The following CARM1 variants were observed in gnomAD, a reference collection of about 807,000 sequenced individuals.
The protein encoded by CARM1 is histone-arginine methyltransferase CARM1.
CARM1 carries 14 observed loss-of-function variants against 72.7 expected under a neutral mutation model. The observed-to-expected ratio is 0.19, with a 90% confidence interval of 0.13 to 0.30. CARM1 has a LOEUF of 0.30. Among genes scored for constraint, CARM1 ranks in the 10% least tolerant of loss-of-function variants. The pLI is 1.00. For missense variants in CARM1, 432 were observed against 833.7 expected (o/e 0.52, Z 5.93); for synonymous variants, 333 against 345.5 (o/e 0.96, Z 0.40).
intron 1 of CARM1, among the ~76,000 whole-genome samples, chr19:10,876,010 G>A (rs2073861863): frequency 6.6e-6 from 1 of 151,640 alleles, no homozygotes; most frequent in African/African-American, 2.4e-5. Flanking sequence ...GGGATTACAG[G>A]GATTAGAGGC....
intron 1 of CARM1, among the ~76,000 whole-genome samples, chr19:10,887,796 C>T (rs1269892714): frequency 6.6e-6 from 1 of 152,130 alleles, no homozygotes; most frequent in African/African-American, 2.4e-5. Context: ...GCCTCAGCCC[C>T]AGGGCAGCTT....
At chr19:10,881,140 C>T (rs776735042) in intron 1 of CARM1, among the ~76,000 whole-genome samples, 2 of 152,078 alleles carry the variant, frequency 1.3e-5, no homozygotes, top group South Asian at 2.1e-4. Flanking sequence ...CACTCCATCC[C>T]GGGAAACAGG....
chr19:10,897,963 C>T (rs142672440), intron 1 of CARM1, among the ~76,000 whole-genome samples: 2,681 of 152,026 alleles, frequency 0.018, 96 homozygotes, highest in African/African-American at 0.062. Context: ...AAAAATTAGC[C>T]GGGCGAGGTG....
chr19:10,919,574 C>T lies in CARM1; in HGVS notation c.1021-21C>T, dbSNP rs2074223837. On this transcript the variant is annotated intron_variant, in intron 8 of 15. Coordinates refer to ENST00000327064, the MANE Select transcript of CARM1 (RefSeq NM_199141.2). ...CTGGCCCTGGCGTCAGATGCCACGT[C>T]ACACCTGTGGTCTCTCCCAGGACAC... 15 of 1,588,698 alleles carry T rather than the reference C, an allele frequency of 9.4e-6. No individual in the cohort carries two copies. In the East Asian group the frequency reaches 3.4e-4, roughly 35 times the overall value.
chr19:10,916,026 T>C lies in CARM1; in HGVS notation c.848-381T>C, dbSNP rs1040144621. On this transcript the variant is annotated intron_variant, in intron 6 of 15. Coordinates refer to ENST00000327064, the MANE Select transcript of CARM1 (RefSeq NM_199141.2). The surrounding 1 kb of genome is among the most constrained non-coding windows in gnomAD (Gnocchi z 4.4). ...CTCCCTCTGTCCAGAGCAACTTTGC[T>C]ATGCTTTCCCGGCTGCACACATGCA... Among the ~76,000 whole-genome samples, 3 of 152,222 alleles carry C rather than the reference T, an allele frequency of 2.0e-5. No individual in the cohort carries two copies. The highest frequency in any genetic ancestry group is 6.5e-5 in the Admixed American group (1 of 15,288).
rs868672706 is a variant in CARM1, at chr19:10,922,017, G to C, written c.*260G>C. 1 of 371,590 alleles carries C rather than the reference G, an allele frequency of 2.7e-6. No homozygotes were observed. Among genetic ancestry groups the C allele is most frequent in the South Asian group, 3.7e-5 (1 of 27,358 alleles). 23.0% of individuals were successfully genotyped at this position (371,590 alleles called of 1,614,324 possible). A position where few individuals can be genotyped will look rare whatever the true frequency, so the allele number is the denominator to read the frequency against. ...GGAGCCCTCGTCCCCCCTCCTGCCC[G>C]CTCTACCCTGACCTGGGCTTGTCAT... On this transcript the variant is annotated 3_prime_UTR_variant, in exon 16 of 16. Coordinates refer to ENST00000327064, the MANE Select transcript of CARM1 (RefSeq NM_199141.2).
In CARM1 at chr19:10,921,409, G is replaced by A. The variant is rs2074247338; in HGVS notation, c.1650G>A (p.Arg550=). 6.2e-7 allele frequency: 1 copy of A among 1,610,142 alleles called. No individual in the cohort carries two copies. The highest frequency in any genetic ancestry group is 1.1e-5 in the South Asian group (1 of 90,634). The change falls in exon 15 of 16, where the codon CGG becomes CGA. Residue 550 remains arginine, a synonymous_variant. Coordinates refer to ENST00000327064, the MANE Select transcript of CARM1 (RefSeq NM_199141.2). ...NTGIVNHTHS[R]MGSIMSTGIV... ...GGATTGTCAATCACACCCACTCCCG[G>A]ATGGGCTCCATAATGAGCACGGGGA... is the stretch of plus-strand genomic sequence containing the variant.
intron 2 of CARM1, among the ~76,000 whole-genome samples, chr19:10,905,648 G>A (rs1454336693): frequency 1.3e-5 from 2 of 152,178 alleles, no homozygotes; most frequent in East Asian, 3.9e-4. Context: ...TGAGTCCAGT[G>A]GTTGACACAG....
chr19:10,874,892 C>T (rs1450236518), intron 1 of CARM1, among the ~76,000 whole-genome samples: 1 of 151,986 alleles, frequency 6.6e-6, no homozygotes, highest in Non-Finnish European at 1.5e-5. Flanking sequence ...TGTGGTGGTA[C>T]CTGCGACTGT....
chr19:10,911,382 C>G (rs1200651806), intron 4 of CARM1, among the ~76,000 whole-genome samples: 3 of 152,154 alleles, frequency 2.0e-5, no homozygotes. Context: ...AGTGTCTGCC[C>G]TGGCAGGGCC....
In CARM1 at chr19:10,915,091, A is replaced by G. The variant is rs926534832; in HGVS notation, c.847+1037A>G. On this transcript the variant is annotated intron_variant, in intron 6 of 15. Transcript: ENST00000327064. The surrounding 1 kb of genome is among the most constrained non-coding windows in gnomAD (Gnocchi z 4.6). Reference sequence around the variant, plus strand: ...CTTGTGCAGGCAGGGGCAGGGGGGAAGCTTCCACTCTCATCTCTGGCCCGC... The same window carrying G: ...CTTGTGCAGGCAGGGGCAGGGGGGAGGCTTCCACTCTCATCTCTGGCCCGC... Among the ~76,000 whole-genome samples, 2 of 152,104 alleles carry G rather than the reference A, an allele frequency of 1.3e-5. No individual in the cohort carries two copies. The highest frequency in any genetic ancestry group is 4.8e-5 in the African/African-American group (2 of 41,414).
Position 10,919,832 on chromosome 19 carries a change from G to C in CARM1, c.1107-45G>C, listed in dbSNP as rs778191858. On this transcript the variant is annotated intron_variant, in intron 9 of 15. Transcript: ENST00000327064. ...TGGCACCCCCTCTTCTCTCTCGGCA[G>C]CGCCTGTCTGGCTTCCCCAGCAGCC... 1.1e-5 allele frequency: 17 copies of C among 1,550,466 alleles called. No individual in the cohort carries two copies. The African/African-American group carries it at 1.9e-4, about 17-fold the overall frequency.
intron 1 of CARM1, among the ~76,000 whole-genome samples, chr19:10,877,852 C>T (rs760878453): frequency 1.3e-5 from 2 of 152,060 alleles, no homozygotes; most frequent in African/African-American, 2.4e-5. Context: ...CTCAGCCTCC[C>T]GAGTAGCTGG....
Position 10,908,056 on chromosome 19 carries a change from A to C in CARM1, c.364A>C (p.Asn122His). The stretch of plus-strand genomic sequence containing the variant: ...TGTTCCAGATTTCTGTTCCTTCTAC[A>C]ACATCCTGAAAACCTGCCGGGGCCA... ...ATPNDFCSFY[N>H]ILKTCRGHTL... The change falls in exon 3 of 16, where the codon AAC becomes CAC. Residue 122 changes from asparagine to histidine, a missense_variant. Around this residue, in one of 3 missense-constraint regions of CARM1, gnomAD observed 138 missense variants for 192.3 expected, o/e 0.72. Coordinates refer to ENST00000327064, the MANE Select transcript of CARM1 (RefSeq NM_199141.2). 6.2e-7 allele frequency: 1 copy of C among 1,613,784 alleles called. No homozygotes were observed. Among genetic ancestry groups the C allele is most frequent in the Non-Finnish European group, 8.5e-7 (1 of 1,179,820 alleles).
At chr19:10,902,593 G>A (rs897587886) in intron 1 of CARM1, among the ~76,000 whole-genome samples, 5 of 149,080 alleles carry the variant, frequency 3.4e-5, no homozygotes, top group South Asian at 2.1e-4. Flanking sequence ...ACAGGCGTGA[G>A]CCACTGTGCC....
At chr19:10,881,561 G>C (rs1404175659) in intron 1 of CARM1, among the ~76,000 whole-genome samples, 2 of 151,918 alleles carry the variant, frequency 1.3e-5, no homozygotes, top group Non-Finnish European at 2.9e-5. Flanking sequence ...GCGGTCACTG[G>C]ATTTCTGAGC....
In CARM1 at chr19:10,908,139, C is replaced by T. The variant is rs150883284; in HGVS notation, c.447C>T (p.Tyr149=). 22 of 1,611,374 alleles carry T rather than the reference C, an allele frequency of 1.4e-5. No individual in the cohort carries two copies. The highest frequency in any genetic ancestry group is 1.6e-5 in the Non-Finnish European group (19 of 1,177,638). ...CGGAGGAGTCTTCTGCCGTGCAGTA[C>T]TTCCAGGTGGGTTGTACTCCCCCTC... is the stretch of plus-strand genomic sequence containing the variant. The part of the protein sequence containing the change: ...ERTEESSAVQ[Y]FQFYGYLSQQ... The change falls in exon 3 of 16, where the codon TAC becomes TAT. Residue 149 remains tyrosine (Y), a synonymous_variant. Transcript: ENST00000327064.
chr19:10,892,244 G>A (rs1459923597), intron 1 of CARM1, among the ~76,000 whole-genome samples: 3 of 152,232 alleles, frequency 2.0e-5, no homozygotes, highest in Admixed American at 2.0e-4. Context: ...AGAGCTTGTA[G>A]CATACATAAG....
At chr19:10,899,171 G>T (rs924594772) in intron 1 of CARM1, among the ~76,000 whole-genome samples, 1 of 152,090 alleles carries the variant, frequency 6.6e-6, no homozygotes, top group Non-Finnish European at 1.5e-5. Flanking sequence ...GTGATGAAGC[G>T]ATCCACTTGC....
Sources: gnomAD v4.1 joint callset for allele counts (sites outside exome capture counted in the v4.1 genomes callset) on GRCh38, gnomAD v4.1.1 for gene constraint, gnomAD v4.1.1 regional missense constraint, Gnocchi (gnomAD v3.1) non-coding constraint, MANE v1.5 for transcripts, NCBI Gene and HGNC (gene_info 2026-07-23, HGNC 2026-07-21) for gene names.